The following CASP2 variants were observed in gnomAD, a reference collection of about 807,000 sequenced individuals.
CASP2 encodes caspase-2.
CASP2 carries 38 observed loss-of-function variants against 54.4 expected under a neutral mutation model. That is an observed-to-expected ratio of 0.70 (90% CI 0.54 to 0.92). The LOEUF (loss-of-function observed/expected upper bound fraction) is 0.92. Among genes scored for constraint, CASP2 ranks in the 40% least tolerant of loss-of-function variants. The pLI, the probability that CASP2 is intolerant of heterozygous loss-of-function variation, is 0.00. For missense variants in CASP2, 512 were observed against 579.6 expected, an observed-to-expected ratio of 0.88 and a Z score of 1.20; for synonymous variants, 215 against 216.3, an observed-to-expected ratio of 0.99 and a Z score of 0.05.
rs1226108549 is a variant in CASP2, at chr7:143,305,109, T to C, written c.*38T>C. 1.2e-6 allele frequency: 2 copies of C among 1,613,512 alleles called. No homozygotes were observed. Among genetic ancestry groups the C allele is most frequent in the African/African-American group, 2.7e-5 (2 of 74,936 alleles). On this transcript the variant is annotated 3_prime_UTR_variant, in exon 11 of 11. Transcript: ENST00000310447. ...ATCATCCACGCCAAGTGGAAGCCAC[T>C]GGACCACAGGAGGTGTGATAGAGCC...
At position 143,305,640 on chromosome 7, in the gene CASP2, G is replaced by T; in HGVS notation, c.*569G>T. 2.7e-5 allele frequency: 5 copies of T among 183,198 alleles called. No individual in the cohort carries two copies. The highest frequency in any genetic ancestry group is 1.1e-4 in the South Asian group (1 of 9,030). The allele number at this position is 183,198 out of a possible 1,614,324, so 11.3% of individuals were successfully genotyped here. A position where few individuals can be genotyped will look rare whatever the true frequency, so the allele number is the denominator to read the frequency against. ...AGAAGCGGCCTGTGCGTTCCCTTCA[G>T]TACTGCAGCGCCACCCAGTGGAAGG... On this transcript the variant is annotated 3_prime_UTR_variant, in exon 11 of 11. Transcript: ENST00000310447.
rs148724506 is a variant in CASP2 at position 143,296,306 on chromosome 7, A to G, written c.747+1533A>G. ...TAGAGTTGAACTTCAAGCACCTTAT[A>G]ATGGGGGACTATGTGAGCTGCCACA... On this transcript the variant is annotated intron_variant, in intron 6 of 10. Coordinates refer to ENST00000310447, the MANE Select transcript of CASP2 (RefSeq NM_032982.4). Among the ~76,000 whole-genome samples, 3 of 152,298 alleles carry G rather than the reference A, an allele frequency of 2.0e-5. No individual in the cohort carries two copies. The East Asian group carries it at 5.8e-4, about 29-fold the overall frequency.
At chr7:143,304,022 T>A in intron 9 of CASP2, 89 bp downstream of exon 9, 1 of 1,250,622 alleles carries the variant, frequency 8.0e-7, no homozygotes, top group South Asian at 1.3e-5. Context: ...GAGTATCCCT[T>A]ATCTGAAGTG....
At chr7:143,303,641 G>A in intron 8 of CASP2, 143 bp from the exon 9 acceptor site, 1 of 534,390 alleles carries the variant, frequency 1.9e-6, no homozygotes. Flanking sequence ...TTTTTTTTTA[G>A]TTTATCAGCC....
chr7:143,289,704 G>C, intron 1 of CASP2: 6 of 637,770 alleles, frequency 9.4e-6, no homozygotes, highest in Non-Finnish European at 1.2e-5. Context: ...TTACTGCTTT[G>C]ACGTATTCGA....
rs1320497725 is a variant in CASP2, at chr7:143,304,994, C to A, written c.1282C>A (p.Arg428=). 1 of 1,614,172 alleles carries A rather than the reference C, an allele frequency of 6.2e-7. No individual in the cohort carries two copies. The highest frequency in any genetic ancestry group is 8.5e-7 in the Non-Finnish European group (1 of 1,180,024). ...TTATGCTCCTGGCACAGAATTCCAC[C>A]GGTGCAAGGAGATGTCTGAATACTG... ...EGYAPGTEFH[R]CKEMSEYCST... The change falls in exon 11 of 11, where the codon CGG becomes AGG. Residue 428 remains arginine, a synonymous_variant. Coordinates refer to ENST00000310447, the MANE Select transcript of CASP2 (RefSeq NM_032982.4).
Position 143,305,313 on chromosome 7 carries a change from T to A in CASP2, c.*242T>A, listed in dbSNP as rs1802034955. ...GGTTGGACCTATTGCCAGGAATGTT[T>A]CAGCTGCAGTTGAAGAGCCTGACAA... On this transcript the variant is annotated 3_prime_UTR_variant, in exon 11 of 11. Coordinates refer to ENST00000310447, the MANE Select transcript of CASP2 (RefSeq NM_032982.4). The A allele has an allele frequency of 1.7e-6, 1 of 587,026 alleles. No individual in the cohort carries two copies. The highest frequency in any genetic ancestry group is 1.9e-5 in the South Asian group (1 of 52,430). The allele number at this position is 587,026 out of a possible 1,614,324, so 36.4% of individuals were successfully genotyped here. A position where few individuals can be genotyped will look rare whatever the true frequency, so the allele number is the denominator to read the frequency against.
intron 4 of CASP2, among the ~76,000 whole-genome samples, chr7:143,293,917 A>G (rs1166809703): frequency 1.3e-5 from 2 of 152,244 alleles, no homozygotes; most frequent in African/African-American, 4.8e-5. Flanking sequence ...AAAAAGCTGA[A>G]TAAGAAAAGA....
rs1335598715 is a variant in CASP2 at position 143,305,175 on chromosome 7, G to A, written c.*104G>A. Reference sequence around the variant, plus strand: ...GCACGGTTTCTGTTCTGCCCCCTCAGGGATGTGGGAATCTCCCAGACTTGT... The same window carrying A: ...GCACGGTTTCTGTTCTGCCCCCTCAAGGATGTGGGAATCTCCCAGACTTGT... On this transcript the variant is annotated 3_prime_UTR_variant, in exon 11 of 11. Coordinates refer to ENST00000310447, the MANE Select transcript of CASP2 (RefSeq NM_032982.4). The A allele has an allele frequency of 1.1e-5, 16 of 1,432,724 alleles. No individual in the cohort carries two copies. The highest frequency in any genetic ancestry group is 1.5e-5 in the Non-Finnish European group (15 of 1,027,818). 88.8% of individuals were successfully genotyped at this position (1,432,724 alleles called of 1,614,324 possible).
At chr7:143,294,554 T>C in intron 5 of CASP2, 43 bp from the exon 6 acceptor site, 2 of 1,567,054 alleles carry the variant, frequency 1.3e-6, no homozygotes, top group Non-Finnish European at 1.8e-6. Context: ...AGGAATCATC[T>C]GTTATCAAGA....
In CASP2 at chr7:143,306,383, A is replaced by T. The variant is rs1327233027; in HGVS notation, c.*1312A>T. ...GCCATTCTCCTGCCTCAGCCTTCCA[A>T]GTAGCTGGGACTACAGGTGCCCGCC... is the stretch of plus-strand genomic sequence containing the variant. On this transcript the variant is annotated 3_prime_UTR_variant, in exon 11 of 11. Coordinates refer to ENST00000310447, the MANE Select transcript of CASP2 (RefSeq NM_032982.4). 3 of 149,982 alleles carry T rather than the reference A, an allele frequency of 2.0e-5. No individual in the cohort carries two copies. Among genetic ancestry groups the T allele is most frequent in the Non-Finnish European group, 4.4e-5 (3 of 67,740 alleles). The allele number at this position is 149,982 out of a possible 1,614,324, so 9.3% of individuals were successfully genotyped here. A position where few individuals can be genotyped will look rare whatever the true frequency, so the allele number is the denominator to read the frequency against.
At position 143,291,660 on chromosome 7, in the gene CASP2, C is replaced by A; in HGVS notation, c.195C>A (p.Ile65=). The A allele has an allele frequency of 6.2e-7, 1 of 1,613,790 alleles. No individual in the cohort carries two copies. The highest frequency in any genetic ancestry group is 8.5e-7 in the Non-Finnish European group (1 of 1,179,878). Reference sequence around the variant, plus strand: ...TAGAACATCTTCTGGAGAAGGACATCATCACCTTGGAAATGAGGGAGCTCA... The same window carrying A: ...TAGAACATCTTCTGGAGAAGGACATAATCACCTTGGAAATGAGGGAGCTCA... The part of the protein sequence containing the change: ...ELLEHLLEKD[I]ITLEMRELIQ... Residue 65 remains isoleucine (I), a synonymous_variant, in exon 2 of 11, where the codon ATC becomes ATA. Coordinates refer to ENST00000310447, the MANE Select transcript of CASP2 (RefSeq NM_032982.4).
intron 1 of CASP2, among the ~76,000 whole-genome samples, chr7:143,289,882 T>G (rs1225474004): frequency 6.6e-6 from 1 of 152,054 alleles, no homozygotes; most frequent in African/African-American, 2.4e-5. Flanking sequence ...TCCAACCCAC[T>G]TCATCTGTTT....
intron 8 of CASP2, 77 bp from the exon 9 acceptor site, chr7:143,303,707 G>A (rs182805163): frequency 1.8e-5 from 24 of 1,363,462 alleles, no homozygotes; most frequent in Middle Eastern, 1.8e-4. Context: ...TGTAGGGAAC[G>A]TGGGCTTGCC....
Position 143,300,453 on chromosome 7 carries a change from C to T in CASP2, c.967+159C>T, listed in dbSNP as rs760971994. 3.3e-5 allele frequency: 53 copies of T among 1,596,114 alleles called. No homozygotes were observed. In the South Asian group the frequency reaches 5.4e-4, roughly 16 times the overall value. On this transcript the variant is annotated intron_variant, in intron 8 of 10. Transcript: ENST00000310447. ...CCTCTCTTGCTCTGTAAGTGTCTCC[C>T]AATGCATGGGGTGTGCTGGGACTTG...
chr7:143,303,313 C>T (rs1801972310), intron 8 of CASP2: 1 of 157,844 alleles, frequency 6.3e-6, no homozygotes, highest in South Asian at 1.8e-4. Flanking sequence ...ATATAGCATA[C>T]ATATGGTAAC....
chr7:143,288,426 G>A lies in CASP2; in HGVS notation c.-30G>A, dbSNP rs746399929. ...CCGGTTTGTTTGGGCTGTGGGCGGT[G>A]CGCAGCGGAGAGCCCGGGAAAAGCG... On this transcript the variant is annotated 5_prime_UTR_variant, in exon 1 of 11. Coordinates refer to ENST00000310447, the MANE Select transcript of CASP2 (RefSeq NM_032982.4). 14 of 1,609,984 alleles carry A rather than the reference G, an allele frequency of 8.7e-6. No homozygotes were observed. The highest frequency in any genetic ancestry group is 1.7e-5 in the Admixed American group (1 of 59,902).
Position 143,294,681 on chromosome 7 carries a change from C to T in CASP2, c.655C>T (p.Arg219Cys), listed in dbSNP as rs775475286. The T allele has an allele frequency of 5.6e-6, 9 of 1,614,152 alleles. No individual in the cohort carries two copies. The Middle Eastern group carries it at 4.9e-4, about 89-fold the overall frequency. The change falls in exon 6 of 11, where the codon CGC becomes TGC. Residue 219 changes from arginine (R) to cysteine (C), a missense_variant. Arg to Cys is a radical substitution (Grantham distance 180). Coordinates refer to ENST00000310447, the MANE Select transcript of CASP2 (RefSeq NM_032982.4). ...HFTGEKELEF[R>C]SGGDVDHSTL... ...CACTGGAGAGAAAGAACTGGAATTT[C>T]GCTCTGGAGGGGATGTGGACCACAG...
intron 1 of CASP2, 84 bp downstream of exon 1, chr7:143,288,613 C>T (rs1033401891): frequency 4.8e-6 from 6 of 1,254,336 alleles, no homozygotes; most frequent in Non-Finnish European, 5.7e-6. Flanking sequence ...CTGCAGCCCC[C>T]TCCCCTCGGA....
Sources: gnomAD v4.1 joint callset for allele counts (sites outside exome capture counted in the v4.1 genomes callset) on GRCh38, gnomAD v4.1.1 for gene constraint, MANE v1.5 for transcripts, NCBI Gene and HGNC (gene_info 2026-07-23, HGNC 2026-07-21) for gene names.